Variants in GRK7 observed in about 807,000 individuals in gnomAD.
GRK7 encodes G protein-coupled receptor kinase 7.
In GRK7, 24 loss-of-function variants were observed where a neutral mutation model predicts 34.1. That is an observed-to-expected ratio of 0.70 (90% CI 0.51 to 0.99). The LOEUF (loss-of-function observed/expected upper bound fraction) is 0.99, where lower values mean the gene tolerates loss of function less well. Ranked by LOEUF, GRK7 falls within the 50% of genes least tolerant of loss-of-function variation. GRK7 has a pLI of 0.00. For missense variants in GRK7, 644 were observed against 707.3 expected (o/e 0.91, Z 1.02); for synonymous variants, 256 against 279.4 (o/e 0.92, Z 0.84).
intron 1 of GRK7, among the ~76,000 whole-genome samples, chr3:141,772,157 C>T (rs2084619808): frequency 6.6e-6 from 1 of 151,926 alleles, no homozygotes. Flanking sequence ...TGCAGTGGGA[C>T]TATCTCAGCT....
intron 1 of GRK7, among the ~76,000 whole-genome samples, chr3:141,772,858 C>T (rs1210294997): frequency 2.0e-5 from 3 of 152,030 alleles, no homozygotes; most frequent in Non-Finnish European, 2.9e-5. Context: ...TGAGGCCGGG[C>T]GCAGTGGCTC....
intron 4 of GRK7, 74 bp downstream of exon 4, chr3:141,780,885 A>AAGGCTCTATTTGCCCT: frequency 7.7e-7 from 1 of 1,300,150 alleles, no homozygotes; most frequent in Non-Finnish European, 1.1e-6. Flanking sequence ...TTCTATTCCC[A>AAGGCTCTATTTGCCCT]GGGCAAATAG....
chr3:141,817,156 A>C lies in GRK7; in HGVS notation c.*106A>C. The C allele has an allele frequency of 1.3e-6, 1 of 796,628 alleles. No individual in the cohort carries two copies. Among genetic ancestry groups the C allele is most frequent in the Admixed American group, 2.6e-5 (1 of 37,870 alleles). The allele number at this position is 796,628 out of a possible 1,614,324, so 49.3% of individuals were successfully genotyped here. A position where few individuals can be genotyped will look rare whatever the true frequency, so the allele number is the denominator to read the frequency against. Reference sequence around the variant, plus strand: ...TGAGGGCTAATCAGTTAGGAGGGACATCACAACCACAAAACAATTCAAAAG... The same window carrying C: ...TGAGGGCTAATCAGTTAGGAGGGACCTCACAACCACAAAACAATTCAAAAG... On this transcript the variant is annotated 3_prime_UTR_variant, in exon 6 of 6. Coordinates refer to ENST00000682958, the MANE Select transcript of GRK7 (RefSeq NM_139209.3).
At chr3:141,804,811 A>G (rs1050069269) in intron 4 of GRK7, among the ~76,000 whole-genome samples, 2 of 151,002 alleles carry the variant, frequency 1.3e-5, no homozygotes, top group Non-Finnish European at 2.9e-5. Context: ...ACACATGCAC[A>G]TACAAACATG....
chr3:141,816,949 A>G lies in GRK7; in HGVS notation c.1561A>G (p.Ile521Val), dbSNP rs1711161316. The change falls in exon 6 of 6, where the codon ATT (isoleucine) becomes GTT (valine). Residue 521 changes from isoleucine to valine, a missense_variant. Coordinates refer to ENST00000682958, the MANE Select transcript of GRK7 (RefSeq NM_139209.3). ...TGTTCCTATAGCATGGCAGGAAGAA[A>G]TTATAGAAACGGGACTGTTTGAGGA... Reference protein sequence around the residue: ...GAVPIAWQEEIIETGLFEELN... With the variant: ...GAVPIAWQEEVIETGLFEELN... The G allele has an allele frequency of 6.2e-7, 1 of 1,614,194 alleles. No homozygotes were observed. The highest frequency in any genetic ancestry group is 1.7e-5 in the Admixed American group (1 of 60,024).
chr3:141,792,432 A>G (rs1432930731), intron 4 of GRK7, among the ~76,000 whole-genome samples: 1 of 152,060 alleles, frequency 6.6e-6, no homozygotes, highest in African/African-American at 2.4e-5. Context: ...GAACTTAATA[A>G]TCATTCAAAT....
At position 141,809,754 on chromosome 3, in the gene GRK7, C is replaced by A. The variant is rs1165524202; in HGVS notation, c.1325+1835C>A. On this transcript the variant is annotated intron_variant, in intron 5 of 5. Transcript: ENST00000682958. Reference sequence around the variant, plus strand: ...CGTAAAAGTTGGCCTGTGAAAAGACCCTTGGCAGTGAGTGACTATGTTGTG... The same window carrying A: ...CGTAAAAGTTGGCCTGTGAAAAGACACTTGGCAGTGAGTGACTATGTTGTG... Among the ~76,000 whole-genome samples, 5 of 151,984 alleles carry A rather than the reference C, an allele frequency of 3.3e-5. No homozygotes were observed. The East Asian group carries it at 9.7e-4, about 29-fold the overall frequency.
Position 141,807,751 on chromosome 3 carries a change from C to G in GRK7, c.1157C>G (p.Ala386Gly), listed in dbSNP as rs1711050636. 2 of 1,614,106 alleles carry G rather than the reference C, an allele frequency of 1.2e-6. No individual in the cohort carries two copies. Among genetic ancestry groups the G allele is most frequent in the Non-Finnish European group, 1.7e-6 (2 of 1,179,966 alleles). ...AMGCSIYEMV[A>G]GRTPFKDYKE... The stretch of plus-strand genomic sequence containing the variant: ...GGATGCAGCATTTATGAAATGGTTG[C>G]TGGACGAACACCATTCAAAGATTAC... Residue 386 changes from alanine (A) to glycine (G), a missense_variant, in exon 5 of 6, where the codon GCT becomes GGT. Ala to Gly is a moderately conservative substitution (Grantham distance 60). Coordinates refer to ENST00000682958, the MANE Select transcript of GRK7 (RefSeq NM_139209.3).
At chr3:141,799,603 C>G (rs1430623527) in intron 4 of GRK7, among the ~76,000 whole-genome samples, 2 of 150,124 alleles carry the variant, frequency 1.3e-5, no homozygotes, top group Non-Finnish European at 3.0e-5. Flanking sequence ...TAGAGTGAGG[C>G]TCGGTCTAAA....
At chr3:141,754,191 G>A in the GRK7 span, among the ~76,000 whole-genome samples, 1 of 152,148 alleles carries the variant, frequency 6.6e-6, no homozygotes, top group African/African-American at 2.4e-5. Flanking sequence ...AAGAAGTCCA[G>A]GGGTAGGAAG....
At chr3:141,774,384 T>G (rs1340743872) in intron 1 of GRK7, among the ~76,000 whole-genome samples, 196 bp from the exon 2 acceptor site, 4 of 151,672 alleles carry the variant, frequency 2.6e-5, no homozygotes, top group African/African-American at 9.7e-5. Flanking sequence ...ATTGAGCCAC[T>G]GCACATTAGC....
chr3:141,798,559 G>A (rs923832377), intron 4 of GRK7, among the ~76,000 whole-genome samples: 4 of 152,158 alleles, frequency 2.6e-5, no homozygotes, highest in African/African-American at 9.7e-5. Flanking sequence ...TGAAGGAGAC[G>A]GTTCTGATGC....
Position 141,789,555 on chromosome 3 carries a change from G to A in GRK7, c.1050+8744G>A, listed in dbSNP as rs543336008. Among the ~76,000 whole-genome samples the A allele has an allele frequency of 1.1e-4, 16 of 151,850 alleles. 1 individual carries two copies. The highest frequency in any genetic ancestry group is 3.6e-4 in the African/African-American group (15 of 41,310). On this transcript the variant is annotated intron_variant, in intron 4 of 5. Transcript: ENST00000682958. ...ATCACTGCCTGTCCCAGGAGCCAGA[G>A]GAAGGTCTGTCCCACGTAAATCTCA...
chr3:141,786,034 A>G lies in GRK7; in HGVS notation c.1050+5223A>G, dbSNP rs376081359. On this transcript the variant is annotated intron_variant, in intron 4 of 5. Coordinates refer to ENST00000682958, the MANE Select transcript of GRK7 (RefSeq NM_139209.3). ...AGTCTGCATTCCAGGAGAAGAAAAA[A>G]GAGGAGAAAAGAACAACATCCACAG... 3.1e-4 allele frequency among the ~76,000 whole-genome samples: 47 copies of G among 152,250 alleles called. 1 individual carries two copies. In the South Asian group the frequency reaches 9.1e-3, roughly 30 times the overall value.
At chr3:141,779,409 C>CAAAAAAAAAAAAAAAAA (rs10626329) in intron 3 of GRK7, among the ~76,000 whole-genome samples, 14 of 96,354 alleles carry the variant, frequency 1.5e-4, no homozygotes, top group Non-Finnish European at 1.8e-4. Flanking sequence ...GAGCAAGACT[C>CAAAAAAAAAAAAAAAAA]AAAAAAAAAA....
Position 141,763,907 on chromosome 3 carries a change from C to G in GRK7, c.-2046C>G, listed in dbSNP as rs184208309. Reference sequence around the variant, plus strand: ...CCCTCCATTTTGTTTTCCCTAAAACCTGGTTCTCCCCCAAGGACACTGTTT... The same window carrying G: ...CCCTCCATTTTGTTTTCCCTAAAACGTGGTTCTCCCCCAAGGACACTGTTT... On this transcript the variant is annotated 5_prime_UTR_variant, in exon 1 of 6. Coordinates refer to ENST00000682958, the MANE Select transcript of GRK7 (RefSeq NM_139209.3). 2.6e-5 allele frequency among the ~76,000 whole-genome samples: 4 copies of G among 152,242 alleles called. No individual in the cohort carries two copies. In the East Asian group the frequency reaches 5.8e-4, roughly 22 times the overall value.
At position 141,780,692 on chromosome 3, in the gene GRK7, G is replaced by A. The variant is rs767168812; in HGVS notation, c.931G>A (p.Gly311Ser). The stretch of plus-strand genomic sequence containing the variant: ...TGGGATGCTGCACCTCCATGAACTC[G>A]GCATCGTCTATCGGGACATGAAGCC... The part of the protein sequence containing the change: ...ACGMLHLHEL[G>S]IVYRDMKPEN... The change falls in exon 4 of 6, where the codon GGC (glycine) becomes AGC (serine). Residue 311 changes from glycine to serine, a missense_variant. Gly to Ser is a moderately conservative substitution (Grantham distance 56). Transcript: ENST00000682958. The A allele has an allele frequency of 9.3e-6, 15 of 1,614,180 alleles. No homozygotes were observed. Among genetic ancestry groups the A allele is most frequent in the South Asian group, 2.2e-5 (2 of 91,084 alleles).
At chr3:141,768,485 G>T (rs899858633) in intron 1 of GRK7, among the ~76,000 whole-genome samples, 12 of 152,090 alleles carry the variant, frequency 7.9e-5, no homozygotes, top group Middle Eastern at 6.8e-3. Context: ...TCACCATGTT[G>T]GCCGGGCTGG....
chr3:141,755,091 G>GTACC, the GRK7 span, among the ~76,000 whole-genome samples: 2 of 152,218 alleles, frequency 1.3e-5, no homozygotes, highest in Admixed American at 1.3e-4. Flanking sequence ...GTTCTAGAGA[G>GTACC]TACCTGTTCT....
Sources: allele counts gnomAD v4.1 joint callset (sites outside exome capture counted in the v4.1 genomes callset), GRCh38; gene constraint gnomAD v4.1.1; transcripts MANE v1.5; gene names NCBI Gene and HGNC (gene_info 2026-07-23, HGNC 2026-07-21).